Variants in NT5DC2 observed in about 807,000 individuals in gnomAD.
The protein encoded by NT5DC2 is 5'-nucleotidase domain-containing protein 2.
In NT5DC2, 41 loss-of-function variants were observed where a neutral mutation model predicts 70.0. The ratio of observed to expected loss-of-function variants is 0.59; its 90% CI spans 0.46 to 0.76. The LOEUF (loss-of-function observed/expected upper bound fraction) is 0.76, where lower values mean the gene tolerates loss of function less well. NT5DC2 is among the 30% of genes least tolerant of loss of function. NT5DC2 has a pLI of 0.00. For missense variants in NT5DC2, 705 were observed against 783.2 expected, an observed-to-expected ratio of 0.90 and a Z score of 1.19; for synonymous variants, 299 against 310.4, an observed-to-expected ratio of 0.96 and a Z score of 0.39.
At position 52,529,407 on chromosome 3, in the gene NT5DC2, CTG is replaced by C. The variant is rs773178907; in HGVS notation, c.233-75_233-74del. The C allele has an allele frequency of 7.0e-7, 1 of 1,426,046 alleles. No homozygotes were observed. Among genetic ancestry groups the C allele is most frequent in the East Asian group, 2.4e-5 (1 of 42,048 alleles). 88.3% of individuals were successfully genotyped at this position (1,426,046 alleles called of 1,614,324 possible). On this transcript the variant is annotated intron_variant, in intron 1 of 13. Coordinates refer to ENST00000422318, the MANE Select transcript of NT5DC2 (RefSeq NM_001134231.2). This position sits in a 1 kb window ranked among gnomAD's most constrained non-coding sequence, Gnocchi z 4.1. ...GCAGCAGCTATGGCTCCTGAGCACT[CTG>C]TGGGGACCTAGCCCTGTGAGCCTCA... is the stretch of plus-strand genomic sequence containing the variant.
In NT5DC2 at chr3:52,527,312, C is replaced by T. The variant is rs531374107; in HGVS notation, c.1101G>A (p.Lys367=). The T allele has an allele frequency of 5.0e-6, 8 of 1,614,138 alleles. No individual in the cohort carries two copies. Among genetic ancestry groups the T allele is most frequent in the African/African-American group, 1.3e-5 (1 of 75,066 alleles). ...LQWDRITRLE[K]GKIYRQGNLF... ...CCCTTACCTGCCGATAGATCTTGCC[C>T]TTTTCCAAGCGGGTGATCCGGTCCC... Residue 367 remains lysine (K), a synonymous_variant, in exon 10 of 14, where the codon AAG becomes AAA. Coordinates refer to ENST00000422318, the MANE Select transcript of NT5DC2 (RefSeq NM_001134231.2).
rs780489426 is a variant in NT5DC2 at position 52,528,013 on chromosome 3, C to G, written c.832G>C (p.Glu278Gln). ...CGGCAGGGCTTCTGTCCACACTTAC[C>G]CATGTCCTGCTCGATCCACTGGTAC... ...LMYQWIEQDMEKYILRGDETF... is the reference protein window; with the variant it reads ...LMYQWIEQDMQKYILRGDETF... Residue 278 changes from glutamate (E) to glutamine (Q), a missense_variant and splice_region_variant, in exon 7 of 14, where the codon GAG (glutamate) becomes CAG (glutamine). By Grantham distance (29) the Glu-to-Gln change is conservative (BLOSUM62 2). Coordinates refer to ENST00000422318, the MANE Select transcript of NT5DC2 (RefSeq NM_001134231.2). 9.9e-6 allele frequency: 16 copies of G among 1,612,236 alleles called. No homozygotes were observed. The highest frequency in any genetic ancestry group is 1.1e-5 in the Non-Finnish European group (13 of 1,179,588).
intron 1 of NT5DC2, chr3:52,532,627 T>G (rs2079376114): frequency 2.4e-6 from 1 of 423,030 alleles, no homozygotes; most frequent in Non-Finnish European, 3.2e-6. Flanking sequence ...CTGCCCTGCT[T>G]GGCCTGGTTC....
In NT5DC2 at chr3:52,525,311, G is replaced by A. The variant is rs1276512740; in HGVS notation, c.1120-16C>T. On this transcript the variant is annotated splice_polypyrimidine_tract_variant and intron_variant, in intron 10 of 13. Transcript: ENST00000422318. ...ACAGGTTTCCCTAGGGAGAGGAGGG[G>A]AATGCTGCTGAGCCAAGTGTGCCTT... The A allele has an allele frequency of 6.3e-7, 1 of 1,599,980 alleles. No individual in the cohort carries two copies. The highest frequency in any genetic ancestry group is 8.5e-7 in the Non-Finnish European group (1 of 1,169,770).
chr3:52,534,546 G>T (rs200182123), upstream of NT5DC2: 45 of 1,613,336 alleles, frequency 2.8e-5, no homozygotes, highest in Admixed American at 1.0e-4. Flanking sequence ...TCAACTCCCG[G>T]TTTCCCGGCG....
rs2079292025 is a variant in NT5DC2, at chr3:52,527,346, G to A, written c.1067C>T (p.Ser356Leu). 1.2e-6 allele frequency: 2 copies of A among 1,614,046 alleles called. No homozygotes were observed. Among genetic ancestry groups the A allele is most frequent in the South Asian group, 1.1e-5 (1 of 91,094 alleles). Residue 356 changes from serine (S) to leucine (L), a missense_variant, in exon 10 of 14, where the codon TCA becomes TTA. Transcript: ENST00000422318. ...GCGGGTGATCCGGTCCCACTGAAGT[G>A]AGCCCTTCTCATCGAGTTTTCTGAA... ...KPFRKLDEKG[S>L]LQWDRITRLE... is the part of the protein sequence containing the mutation.
intron 13 of NT5DC2, 28 bp from the exon 14 acceptor site, chr3:52,524,759 G>C: frequency 6.2e-7 from 1 of 1,612,694 alleles, no homozygotes; most frequent in African/African-American, 1.3e-5. Context: ...ATGCGCTCAA[G>C]GGGTGGGCCT....
upstream of NT5DC2, chr3:52,534,224 T>G: frequency 2.2e-6 from 1 of 447,998 alleles, no homozygotes. Context: ...CGCCTCTGGA[T>G]GCTTCTGACC....
chr3:52,524,792 T>C, intron 13 of NT5DC2, 25 bp downstream of exon 13: 1 of 1,612,500 alleles, frequency 6.2e-7, no homozygotes, highest in Non-Finnish European at 8.5e-7. Flanking sequence ...TGGCTGGGAC[T>C]CCTGCCCTGG....
chr3:52,527,974 G>GC (rs761580676), intron 7 of NT5DC2, 39 bp downstream of exon 7: 3 of 1,613,278 alleles, frequency 1.9e-6, no homozygotes, highest in African/African-American at 1.3e-5. Context: ...CCTGCCACCT[G>GC]CTCAGGCCGG....
intron 1 of NT5DC2, 73 bp downstream of exon 1, chr3:52,533,433 A>G: frequency 7.1e-7 from 1 of 1,409,408 alleles, no homozygotes; most frequent in Non-Finnish European, 9.4e-7. Context: ...GAGGAGCGGC[A>G]CCCTGGGGCT....
rs771062587 is a variant in NT5DC2, at chr3:52,527,323, G to T, written c.1090C>A (p.Arg364Ser). Reference protein sequence around the residue: ...KGSLQWDRITRLEKGKIYRQG... With the variant: ...KGSLQWDRITSLEKGKIYRQG... Reference sequence around the variant, plus strand: ...CGATAGATCTTGCCCTTTTCCAAGCGGGTGATCCGGTCCCACTGAAGTGAG... The same window carrying T: ...CGATAGATCTTGCCCTTTTCCAAGCTGGTGATCCGGTCCCACTGAAGTGAG... Residue 364 changes from arginine (R) to serine (S), a missense_variant, in exon 10 of 14, where the codon CGC (arginine) becomes AGC (serine). Physicochemically the swap from Arg to Ser is moderately radical, Grantham distance 110 (BLOSUM62 -1). Coordinates refer to ENST00000422318, the MANE Select transcript of NT5DC2 (RefSeq NM_001134231.2). The T allele has an allele frequency of 6.2e-7, 1 of 1,614,020 alleles. No individual in the cohort carries two copies. Among genetic ancestry groups the T allele is most frequent in the African/African-American group, 1.3e-5 (1 of 74,938 alleles).
chr3:52,527,524 C>A, intron 9 of NT5DC2, 93 bp downstream of exon 9: 1 of 1,494,250 alleles, frequency 6.7e-7, no homozygotes, highest in South Asian at 1.2e-5. Flanking sequence ...GGGCAGTGGG[C>A]AAGGGCCAGG....
chr3:52,527,926 A>G lies in NT5DC2; in HGVS notation c.838T>C (p.Tyr280His). 6.2e-7 allele frequency: 1 copy of G among 1,613,566 alleles called. No homozygotes were observed. Among genetic ancestry groups the G allele is most frequent in the Non-Finnish European group, 8.5e-7 (1 of 1,180,008 alleles). Residue 280 changes from tyrosine to histidine, a missense_variant, in exon 8 of 14, where the codon TAC becomes CAC. Transcript: ENST00000422318. ...AACGTCTCATCCCCTCTCAGGATGTACTTCTCTAATGGGGCAGATGAGTCT... is the reference window on the plus strand; with the variant it reads ...AACGTCTCATCCCCTCTCAGGATGTGCTTCTCTAATGGGGCAGATGAGTCT... The part of the protein sequence containing the change: ...YQWIEQDMEK[Y>H]ILRGDETFAV...
upstream of NT5DC2, chr3:52,534,775 T>C: frequency 7.4e-7 from 1 of 1,342,350 alleles, no homozygotes; most frequent in Non-Finnish European, 1.0e-6. Flanking sequence ...CGCGCGTTGT[T>C]TTCTGAGGTG....
At chr3:52,528,972 C>T (rs2079322526) in intron 2 of NT5DC2, 37 bp from the exon 3 acceptor site, 1 of 1,611,086 alleles carries the variant, frequency 6.2e-7, no homozygotes, top group Non-Finnish European at 8.5e-7. Flanking sequence ...AGCCAATAGC[C>T]CTGCCAGACC....
At chr3:52,528,968 T>C (rs991502009) in intron 2 of NT5DC2, 33 bp from the exon 3 acceptor site, 2 of 1,612,236 alleles carry the variant, frequency 1.2e-6, no homozygotes, top group East Asian at 2.2e-5. Flanking sequence ...CCTAAGCCAA[T>C]AGCCCTGCCA....
chr3:52,526,708 A>G (rs2153234940), intron 10 of NT5DC2, among the ~76,000 whole-genome samples: 1 of 152,312 alleles, frequency 6.6e-6, no homozygotes, highest in South Asian at 2.1e-4. Context: ...TGCCCAGGCT[A>G]AAGTGCAGTG....
chr3:52,534,455 TG>T, upstream of NT5DC2: 1 of 1,607,548 alleles, frequency 6.2e-7, no homozygotes, highest in Non-Finnish European at 8.5e-7. Flanking sequence ...ACCAGGTGAC[TG>T]GGCCGTGCGC....
Sources: allele counts gnomAD v4.1 joint callset (sites outside exome capture counted in the v4.1 genomes callset), GRCh38; gene constraint gnomAD v4.1.1; non-coding constraint Gnocchi (gnomAD v3.1); transcripts MANE v1.5; gene names NCBI Gene and HGNC (gene_info 2026-07-23, HGNC 2026-07-21).